FKBP1B: variants seen among roughly 807,000 people sequenced by gnomAD.
FKBP1B encodes the protein peptidyl-prolyl cis-trans isomerase FKBP1B.
A neutral mutation model predicts 13.5 loss-of-function variants in FKBP1B; 4 were observed. The ratio of observed to expected loss-of-function variants is 0.30; its 90% confidence interval spans 0.15 to 0.68. FKBP1B has a LOEUF of 0.68. Among genes scored for constraint, FKBP1B ranks in the 30% least tolerant of loss-of-function variants. The probability of loss-of-function intolerance (pLI) is 0.76; values close to 1 mark genes in which losing one functional copy is unlikely to be tolerated. For missense variants in FKBP1B, 93 were observed against 136.2 expected (o/e 0.68, Z 1.58); for synonymous variants, 54 against 53.6 (o/e 1.01, Z -0.03).
chr2:24,045,996 C>A (rs80034700), upstream of FKBP1B: 26,923 of 151,860 alleles, frequency 0.18, 3,382 homozygotes, highest in African/African-American at 0.35. Flanking sequence ...GCGTCCCACA[C>A]CTGCAGTCCT....
At chr2:24,038,362 T>C in the FKBP1B span, 1 of 1,614,204 alleles carries the variant, frequency 6.2e-7, no homozygotes, top group Admixed American at 1.7e-5. Context: ...TCGAATTTGC[T>C]GGATGTTTGG....
upstream of FKBP1B, chr2:24,045,790 C>G (rs1394182028): frequency 6.6e-6 from 1 of 151,960 alleles, no homozygotes; most frequent in Non-Finnish European, 1.5e-5. Context: ...CTAGGCAACA[C>G]AGGGAGACCC....
chr2:24,051,943 G>A (rs1282773023), intron 1 of FKBP1B, among the ~76,000 whole-genome samples: 1 of 152,104 alleles, frequency 6.6e-6, no homozygotes, highest in Non-Finnish European at 1.5e-5. Flanking sequence ...AAACTCAGAT[G>A]TCTAATAGGC....
chr2:24,047,057 T>G (rs972765515), upstream of FKBP1B, among the ~76,000 whole-genome samples: 1 of 152,148 alleles, frequency 6.6e-6, no homozygotes, highest in East Asian at 1.9e-4. Context: ...TTCCTGACTT[T>G]GGATGACTTC....
At chr2:24,039,636 G>C in the FKBP1B span, 1 of 757,752 alleles carries the variant, frequency 1.3e-6, no homozygotes, top group South Asian at 1.9e-5. Context: ...CAAAAGGACA[G>C]GGGGAGTATT....
At chr2:24,047,591 T>A (rs1386427836), upstream of FKBP1B, among the ~76,000 whole-genome samples, 1 of 151,684 alleles carries the variant, frequency 6.6e-6, no homozygotes, top group Non-Finnish European at 1.5e-5. Context: ...TCGCTGGGAG[T>A]GGTAGTCCCC....
In FKBP1B at chr2:24,060,884, C is replaced by G; in HGVS notation, c.156C>G (p.Gly52=). 6.2e-7 allele frequency: 1 copy of G among 1,614,100 alleles called. No individual in the cohort carries two copies. The highest frequency in any genetic ancestry group is 1.1e-5 in the South Asian group (1 of 91,072). The change falls in exon 3 of 4, where the codon GGC becomes GGG. Residue 52 remains glycine (G), a synonymous_variant. Transcript: ENST00000380986. The part of the protein sequence containing the change: ...DRNKPFKFRI[G]KQEVIKGFEE... ...ACAAACCTTTCAAGTTCAGAATTGG[C>G]AAACAGGAAGTCATCAAAGGTTTTG...
chr2:24,042,398 T>C, the FKBP1B span, among the ~76,000 whole-genome samples: 6 of 151,832 alleles, frequency 4.0e-5, no homozygotes, highest in African/African-American at 9.7e-5. Flanking sequence ...TAGCCAGGTG[T>C]GTTGGCGGGC....
rs2150958696 is a variant in FKBP1B, at chr2:24,049,745, T to G, written c.-105T>G. 1 of 922,280 alleles carries G rather than the reference T, an allele frequency of 1.1e-6. No homozygotes were observed. The highest frequency in any genetic ancestry group is 1.4e-6 in the Non-Finnish European group (1 of 694,886). The allele number at this position is 922,280 out of a possible 1,614,324, so 57.1% of individuals were successfully genotyped here. On this transcript the variant is annotated 5_prime_UTR_variant, in exon 1 of 4. Coordinates refer to ENST00000380986, the MANE Select transcript of FKBP1B (RefSeq NM_004116.5). ...AGCCGCACCTCCTCCGGCTCTGCAG[T>G]GGCGGCGAGGAGGCGAGCCGGAGCG...
chr2:24,060,361 A>G (rs1664330296), intron 2 of FKBP1B, among the ~76,000 whole-genome samples: 1 of 152,114 alleles, frequency 6.6e-6, no homozygotes, highest in African/African-American at 2.4e-5. Context: ...AGACCAGCCT[A>G]GCCAATATGG....
chr2:24,042,420 C>T, the FKBP1B span, among the ~76,000 whole-genome samples: 2 of 151,434 alleles, frequency 1.3e-5, no homozygotes, highest in African/African-American at 4.9e-5. Flanking sequence ...CCTGTAGTCC[C>T]AGCTACTCGG....
At chr2:24,047,857 G>A (rs545621087), upstream of FKBP1B, among the ~76,000 whole-genome samples, 1 of 152,328 alleles carries the variant, frequency 6.6e-6, no homozygotes, top group African/African-American at 2.4e-5. Context: ...GACCCTAAGC[G>A]TGCCTGCTCT....
At chr2:24,036,148 A>G in the FKBP1B span, among the ~76,000 whole-genome samples, 1 of 151,792 alleles carries the variant, frequency 6.6e-6, no homozygotes, top group African/African-American at 2.4e-5. Flanking sequence ...CTTAAAAAAA[A>G]AAATTAAAAC....
In FKBP1B at chr2:24,063,369, G is replaced by A. The variant is rs1664490232; in HGVS notation, c.*177G>A. On this transcript the variant is annotated 3_prime_UTR_variant, in exon 4 of 4. Coordinates refer to ENST00000380986, the MANE Select transcript of FKBP1B (RefSeq NM_004116.5). The stretch of plus-strand genomic sequence containing the variant: ...TCTGTATGTGTTCGTCAGTGTTCAT[G>A]CGAATTCTTGCTTGAGGAAACTTCG... 8.6e-6 allele frequency: 5 copies of A among 578,902 alleles called. No individual in the cohort carries two copies. Among genetic ancestry groups the A allele is most frequent in the African/African-American group, 3.9e-5 (2 of 51,872 alleles). 35.9% of individuals were successfully genotyped at this position (578,902 alleles called of 1,614,324 possible).
At chr2:24,037,759 G>C in the FKBP1B span, 1 of 1,614,212 alleles carries the variant, frequency 6.2e-7, no homozygotes, top group South Asian at 1.1e-5. Context: ...CAGACGGTTT[G>C]TAAGTTCAGA....
the FKBP1B span, among the ~76,000 whole-genome samples, chr2:24,041,789 C>T: frequency 7.1e-6 from 1 of 140,136 alleles, no homozygotes; most frequent in South Asian, 2.3e-4. Flanking sequence ...GGAGGGGAGG[C>T]GGAGGTTGCA....
chr2:24,045,074 A>G (rs576668682), upstream of FKBP1B, among the ~76,000 whole-genome samples: 1 of 152,354 alleles, frequency 6.6e-6, no homozygotes, highest in African/African-American at 2.4e-5. Context: ...GGACCTGAGA[A>G]GGAAGAAAGT....
chr2:24,057,134 T>G (rs1664162627), intron 2 of FKBP1B, among the ~76,000 whole-genome samples: 2 of 152,228 alleles, frequency 1.3e-5, no homozygotes, highest in South Asian at 4.1e-4. Flanking sequence ...GAACAGAAGT[T>G]CTTTTTTTAT....
chr2:24,061,246 G>C (rs3769667), intron 3 of FKBP1B, among the ~76,000 whole-genome samples: 18,089 of 152,134 alleles, frequency 0.12, 1,258 homozygotes, highest in South Asian at 0.18. Flanking sequence ...GGGTGGATCA[G>C]TTGAGGCCAG....
Sources: gnomAD v4.1 joint callset for allele counts (sites outside exome capture counted in the v4.1 genomes callset) on GRCh38, gnomAD v4.1.1 for gene constraint, MANE v1.5 for transcripts, NCBI Gene and HGNC (gene_info 2026-07-23, HGNC 2026-07-21) for gene names.